The following CCDC149 variants were observed in gnomAD, a reference collection of about 807,000 sequenced individuals.
CCDC149 encodes the protein coiled-coil domain containing 149.
A neutral mutation model predicts 59.9 loss-of-function variants in CCDC149; 45 were observed. That is an observed-to-expected ratio of 0.75 (90% CI 0.59 to 0.96). The LOEUF (loss-of-function observed/expected upper bound fraction) is 0.96, where lower values mean the gene tolerates loss of function less well. Among genes scored for constraint, CCDC149 ranks in the 40% least tolerant of loss-of-function variants. The pLI is 0.00. For missense variants in CCDC149, 584 were observed against 664.7 expected (o/e 0.88, Z 1.33); for synonymous variants, 245 against 260.6 (o/e 0.94, Z 0.58).
chr4:24,868,521 C>G lies in CCDC149; in HGVS notation c.264+5160G>C, dbSNP rs60979968. On this transcript the variant is annotated intron_variant, in intron 3 of 12. Coordinates refer to ENST00000635206, the MANE Select transcript of CCDC149 (RefSeq NM_001330643.2). ...CTTAGCACTGATTACCATTTAACAA[C>G]CTATATATTTTAATTACTTTGTATG... Among the ~76,000 whole-genome samples, 1,063 of 152,204 alleles carry G rather than the reference C, an allele frequency of 7.0e-3. 15 individuals carry two copies. Among genetic ancestry groups the G allele is most frequent in the African/African-American group, 0.025 (1,018 of 41,522 alleles).
intron 10 of CCDC149, among the ~76,000 whole-genome samples, chr4:24,821,456 T>A (rs1417617871): frequency 3.3e-5 from 5 of 152,258 alleles, no homozygotes; most frequent in Non-Finnish European, 7.3e-5. Context: ...GGACTGTACC[T>A]GGCAGTTATT....
chr4:24,899,992 T>A (rs1262629357), intron 1 of CCDC149, among the ~76,000 whole-genome samples: 1 of 152,104 alleles, frequency 6.6e-6, no homozygotes, highest in African/African-American at 2.4e-5. Context: ...TTCCTTGACA[T>A]CTCCATTTGC....
chr4:24,915,164 G>C (rs1252610709), upstream of CCDC149, among the ~76,000 whole-genome samples: 1 of 152,272 alleles, frequency 6.6e-6, no homozygotes, highest in Non-Finnish European at 1.5e-5. Context: ...AATGTCTAGA[G>C]TTAATTAACT....
intron 7 of CCDC149, among the ~76,000 whole-genome samples, chr4:24,835,487 T>A (rs1277090259): frequency 6.6e-6 from 1 of 152,242 alleles, no homozygotes; most frequent in African/African-American, 2.4e-5. Flanking sequence ...AGGAAGTACA[T>A]ATGTGCCACC....
At chr4:24,949,896 G>A (rs1723232528) in intron 1 of CCDC149, among the ~76,000 whole-genome samples, 1 of 152,214 alleles carries the variant, frequency 6.6e-6, no homozygotes, top group African/African-American at 2.4e-5. Context: ...TGACTAAGGT[G>A]GGTGGTTGCT....
intron 1 of CCDC149, among the ~76,000 whole-genome samples, chr4:24,921,847 C>T (rs1263494294): frequency 1.3e-5 from 2 of 152,118 alleles, no homozygotes; most frequent in Admixed American, 6.5e-5. Context: ...AAATCCGCAC[C>T]CCCTATTCCC....
In CCDC149 at chr4:24,813,520, AT is replaced by A. The variant is rs1560197707; in HGVS notation, c.1193-4702del. ...TATATATATATATATATATATATAT[AT>A]ATATATAAAACCTAAAAAGGAAATA... On this transcript the variant is annotated intron_variant, in intron 12 of 12. Coordinates refer to ENST00000635206, the MANE Select transcript of CCDC149 (RefSeq NM_001330643.2). Among the ~76,000 whole-genome samples, 530 of 108,872 alleles carry A rather than the reference AT, an allele frequency of 4.9e-3. 6 individuals carry two copies. The highest frequency in any genetic ancestry group is 0.025 in the East Asian group (96 of 3,906). The allele number at this position is 108,872 out of a possible 152,430, so 71.4% of individuals were successfully genotyped here.
chr4:24,809,236 AGAAGGATAGTTCGGGAAG>A (rs1007509383), intron 12 of CCDC149, among the ~76,000 whole-genome samples: 2 of 152,244 alleles, frequency 1.3e-5, no homozygotes, highest in African/African-American at 4.8e-5. Context: ...GGTGGGAAGA[AGAAGGATAGTTCGGGAAG>A]GATTTAGTGC....
rs566121872 is a variant in CCDC149, at chr4:24,945,136, A to T, written c.-65+34933T>A. On this transcript the variant is annotated intron_variant, in intron 1 of 12. Coordinates refer to the CCDC149 transcript ENST00000389609. ...GCTCCACTCCCAGGCTTGTTGACCC[A>T]GTAGGTCTAGGGTGGGGGCTGAGAA... Among the ~76,000 whole-genome samples, 70 of 152,322 alleles carry T rather than the reference A, an allele frequency of 4.6e-4. 1 individual carries two copies. The highest frequency in any genetic ancestry group is 1.7e-3 in the African/African-American group (69 of 41,570).
At chr4:24,879,668 G>A (rs1323656854) in intron 1 of CCDC149, among the ~76,000 whole-genome samples, 3 of 146,522 alleles carry the variant, frequency 2.0e-5, no homozygotes, top group African/African-American at 7.5e-5. Context: ...CTGGGTGACA[G>A]CATAAGACTC....
chr4:24,870,862 G>A (rs1184534902), intron 3 of CCDC149, among the ~76,000 whole-genome samples: 4 of 151,784 alleles, frequency 2.6e-5, no homozygotes, highest in African/African-American at 9.7e-5. Flanking sequence ...TGGCTAACAC[G>A]GTGAAACCCC....
intron 7 of CCDC149, among the ~76,000 whole-genome samples, chr4:24,835,502 T>C (rs1346791662): frequency 6.6e-6 from 1 of 152,224 alleles, no homozygotes; most frequent in African/African-American, 2.4e-5. Context: ...GCCACCTACA[T>C]GTCATTCCTA....
intron 3 of CCDC149, among the ~76,000 whole-genome samples, chr4:24,863,973 G>A (rs188471681): frequency 7.2e-5 from 11 of 152,204 alleles, no homozygotes; most frequent in East Asian, 5.8e-4. Context: ...GTGTGCTCTC[G>A]CCATTGTTCC....
intron 1 of CCDC149, among the ~76,000 whole-genome samples, chr4:24,978,787 G>T (rs1054568048): frequency 6.6e-6 from 1 of 152,200 alleles, no homozygotes; most frequent in Non-Finnish European, 1.5e-5. Flanking sequence ...CACAGATTCA[G>T]ATCTACTCGG....
At chr4:24,930,753 G>T (rs2109341688) in intron 1 of CCDC149, among the ~76,000 whole-genome samples, 1 of 152,228 alleles carries the variant, frequency 6.6e-6, no homozygotes, top group South Asian at 2.1e-4. Context: ...AAACAAGAGG[G>T]TTCCTGCTAC....
At chr4:24,901,849 T>G (rs1202047842) in intron 1 of CCDC149, among the ~76,000 whole-genome samples, 3 of 152,338 alleles carry the variant, frequency 2.0e-5, no homozygotes, top group South Asian at 4.1e-4. Flanking sequence ...TCTCCAATCC[T>G]GCTAGCCGTA....
chr4:24,847,664 TG>T (rs144093803), intron 4 of CCDC149, among the ~76,000 whole-genome samples: 658 of 152,258 alleles, frequency 4.3e-3, no homozygotes, highest in African/African-American at 0.015. Flanking sequence ...ACTTTACAGA[TG>T]AGGAAACTGA....
At chr4:24,895,814 T>C (rs997592052) in intron 1 of CCDC149, among the ~76,000 whole-genome samples, 1 of 152,170 alleles carries the variant, frequency 6.6e-6, no homozygotes, top group South Asian at 2.1e-4. Flanking sequence ...TATGAGACCA[T>C]CCCTTCAGGA....
chr4:24,843,950 T>C (rs1717098717), intron 4 of CCDC149, among the ~76,000 whole-genome samples: 2 of 152,136 alleles, frequency 1.3e-5, no homozygotes, highest in Non-Finnish European at 2.9e-5. Context: ...GCCACTCTCA[T>C]GTCTGTCCCT....
Sources: gnomAD v4.1 joint callset for allele counts (sites outside exome capture counted in the v4.1 genomes callset) on GRCh38, gnomAD v4.1.1 for gene constraint, MANE v1.5 for transcripts, NCBI Gene and HGNC (gene_info 2026-07-23, HGNC 2026-07-21) for gene names.